INPP4B: variants seen among roughly 807,000 people sequenced by gnomAD.
The protein encoded by INPP4B is inositol polyphosphate-4-phosphatase type II B, also known as inositol polyphosphate 4-phosphatase type II.
A neutral mutation model predicts 122.5 loss-of-function variants in INPP4B; 55 were observed. That is an observed-to-expected ratio of 0.45 (90% CI 0.36 to 0.56). INPP4B has a LOEUF of 0.56. INPP4B is among the 20% of genes least tolerant of loss of function. The probability of loss-of-function intolerance (pLI) is 0.00; values close to 1 mark genes in which losing one functional copy is unlikely to be tolerated. For missense variants in INPP4B, 1,000 were observed against 1,097.7 expected, an observed-to-expected ratio of 0.91 and a Z score of 1.26; for synonymous variants, 403 against 388.7, an observed-to-expected ratio of 1.04 and a Z score of -0.43.
intron 3 of INPP4B, among the ~76,000 whole-genome samples, chr4:142,454,863 C>CT (rs1269762724): frequency 6.6e-6 from 1 of 151,962 alleles, no homozygotes; most frequent in Non-Finnish European, 1.5e-5. Flanking sequence ...ATACTTCACA[C>CT]TGAGTAGGAG....
chr4:142,462,034 G>A (rs1310850029), intron 3 of INPP4B, among the ~76,000 whole-genome samples: 1 of 152,078 alleles, frequency 6.6e-6, no homozygotes, highest in South Asian at 2.1e-4. Context: ...TGACTTTGCT[G>A]TAGCCACACT....
At chr4:142,337,717 ATATAT>A (rs926533912) in intron 7 of INPP4B, among the ~76,000 whole-genome samples, 9 of 107,596 alleles carry the variant, frequency 8.4e-5, no homozygotes, top group African/African-American at 2.6e-4. Flanking sequence ...ATTATATATA[ATATAT>A]ATTTTATATA....
At chr4:142,409,499 T>TAATAAATAAATAAATA (rs10524814) in intron 5 of INPP4B, among the ~76,000 whole-genome samples, 1,629 of 150,488 alleles carry the variant, frequency 0.011, 14 homozygotes, top group African/African-American at 0.028. Context: ...TCTCAAAAAA[T>TAATAAATAAATAAATA]AATAAATAAA....
rs554166904 is a variant in INPP4B at position 142,836,288 on chromosome 4, C to T, written c.-254+9921G>A. ...AAAGGGGCACACAAACACACACACA[C>T]ATCAGAGAAAATCAAGAAGAAGAAG... On this transcript the variant is annotated intron_variant, in intron 1 of 25. Transcript: ENST00000262992. Among the ~76,000 whole-genome samples, 15 of 151,932 alleles carry T rather than the reference C, an allele frequency of 9.9e-5. No homozygotes were observed. In the South Asian group the frequency reaches 2.3e-3, roughly 23 times the overall value.
chr4:142,148,120 T>A (rs913916028), intron 17 of INPP4B, among the ~76,000 whole-genome samples: 4 of 152,150 alleles, frequency 2.6e-5, no homozygotes, highest in African/African-American at 9.7e-5. Flanking sequence ...AAACTGGAAA[T>A]CAACTCTGCT....
At chr4:142,335,417 A>C (rs564903287) in intron 7 of INPP4B, among the ~76,000 whole-genome samples, 1 of 152,218 alleles carries the variant, frequency 6.6e-6, no homozygotes, top group African/African-American at 2.4e-5. Context: ...CAATTATCTT[A>C]TCTTTTAGAA....
intron 2 of INPP4B, among the ~76,000 whole-genome samples, chr4:142,476,738 A>T (rs548012957): frequency 5.9e-4 from 90 of 152,324 alleles, no homozygotes; most frequent in African/African-American, 2.0e-3. Flanking sequence ...TAAAGGGTCA[A>T]ATTCAACAAA....
intron 15 of INPP4B, among the ~76,000 whole-genome samples, chr4:142,191,586 T>G (rs910466496): frequency 1.1e-4 from 16 of 152,132 alleles, no homozygotes; most frequent in Non-Finnish European, 2.9e-5. Flanking sequence ...AGGAGATGCC[T>G]CTCCCCTGCA....
At chr4:142,576,641 C>T (rs533819596) in intron 2 of INPP4B, among the ~76,000 whole-genome samples, 1 of 151,950 alleles carries the variant, frequency 6.6e-6, no homozygotes, top group African/African-American at 2.4e-5. Flanking sequence ...ATTTATAAGG[C>T]CCTTTCAGTT....
chr4:142,346,703 C>G (rs1315936967), intron 7 of INPP4B, among the ~76,000 whole-genome samples: 9 of 151,908 alleles, frequency 5.9e-5, no homozygotes, highest in South Asian at 4.2e-4. Context: ...TAAAATAGAT[C>G]AAATTAGGTA....
intron 5 of INPP4B, among the ~76,000 whole-genome samples, chr4:142,425,758 A>G (rs1053235372): frequency 1.3e-5 from 2 of 152,096 alleles, no homozygotes; most frequent in Admixed American, 6.6e-5. Context: ...TTCTGTCTAC[A>G]TAGAACTTAA....
intron 23 of INPP4B, among the ~76,000 whole-genome samples, chr4:142,105,854 G>A (rs1393553963): frequency 1.3e-5 from 2 of 152,130 alleles, no homozygotes; most frequent in Admixed American, 1.3e-4. Context: ...ATGGATTATG[G>A]ATATGACCCA....
intron 2 of INPP4B, among the ~76,000 whole-genome samples, chr4:142,664,112 G>A (rs956839097): frequency 5.3e-5 from 8 of 152,014 alleles, no homozygotes; most frequent in African/African-American, 1.9e-4. Flanking sequence ...GATCTACCTG[G>A]CCCACTTAAC....
At chr4:142,494,960 C>T (rs1822347983) in intron 2 of INPP4B, among the ~76,000 whole-genome samples, 1 of 152,048 alleles carries the variant, frequency 6.6e-6, no homozygotes, top group South Asian at 2.1e-4. Context: ...TGTCTGTTGC[C>T]CAACAACTGT....
chr4:142,243,986 C>T (rs1343061615), intron 11 of INPP4B, among the ~76,000 whole-genome samples: 2 of 151,652 alleles, frequency 1.3e-5, no homozygotes, highest in Non-Finnish European at 2.9e-5. Flanking sequence ...TAGGTATACA[C>T]GTTCCATGGT....
chr4:142,540,978 T>C (rs369146039), intron 2 of INPP4B, among the ~76,000 whole-genome samples: 30 of 152,342 alleles, frequency 2.0e-4, no homozygotes, highest in African/African-American at 6.5e-4. Flanking sequence ...TTTACCACTA[T>C]GTTAGACAGA....
At chr4:142,052,550 A>C (rs1755239465) in intron 25 of INPP4B, among the ~76,000 whole-genome samples, 1 of 152,090 alleles carries the variant, frequency 6.6e-6, no homozygotes, top group African/African-American at 2.4e-5. Context: ...TGTACAAATA[A>C]TTTCCCCCAG....
intron 1 of INPP4B, among the ~76,000 whole-genome samples, chr4:142,806,721 G>A (rs1281280110): frequency 6.7e-6 from 1 of 148,342 alleles, no homozygotes; most frequent in Non-Finnish European, 1.5e-5. Flanking sequence ...TCCAGCCTGA[G>A]CAACAGAGCA....
At chr4:142,762,311 C>A (rs1383730618) in intron 1 of INPP4B, among the ~76,000 whole-genome samples, 1 of 152,020 alleles carries the variant, frequency 6.6e-6, no homozygotes, top group African/African-American at 2.4e-5. Flanking sequence ...CTAACTGCAC[C>A]CCCAACCCAA....
Sources: gnomAD v4.1 joint callset for allele counts (sites outside exome capture counted in the v4.1 genomes callset) on GRCh38, gnomAD v4.1.1 for gene constraint, MANE v1.5 for transcripts, NCBI Gene and HGNC (gene_info 2026-07-23, HGNC 2026-07-21) for gene names.